Variants in CAMK1D observed in about 807,000 individuals in gnomAD.
CAMK1D encodes calcium/calmodulin dependent protein kinase ID, also known as calcium/calmodulin-dependent protein kinase type 1D.
A neutral mutation model predicts 47.7 loss-of-function variants in CAMK1D; 9 were observed. The observed-to-expected ratio is 0.19, with a 90% confidence interval of 0.11 to 0.33. The LOEUF is 0.33. Ranked by LOEUF, CAMK1D falls within the 10% of genes least tolerant of loss-of-function variation. CAMK1D has a pLI of 1.00. For missense variants in CAMK1D, 291 were observed against 488.7 expected (o/e 0.60, Z 3.81); for synonymous variants, 184 against 184.9 (o/e 0.99, Z 0.04).
intron 5 of CAMK1D, among the ~76,000 whole-genome samples, chr10:12,784,853 T>C (rs575527045): frequency 6.6e-6 from 1 of 152,304 alleles, no homozygotes; most frequent in South Asian, 2.1e-4. Flanking sequence ...TTGGGTTCAG[T>C]TGAATCACCA....
intron 1 of CAMK1D, among the ~76,000 whole-genome samples, chr10:12,547,648 C>CCCAACCCTG (rs1554786322): frequency 9.9e-6 from 1 of 101,022 alleles, no homozygotes; most frequent in African/African-American, 4.7e-5. Context: ...CACCCCCCCC[C>CCCAACCCTG]CAACCCTGCA....
intron 1 of CAMK1D, among the ~76,000 whole-genome samples, chr10:12,450,575 A>T (rs1833054545): frequency 6.6e-6 from 1 of 152,184 alleles, no homozygotes; most frequent in African/African-American, 2.4e-5. Flanking sequence ...TGGCTTGTAG[A>T]TTGGGCAGCT....
intron 2 of CAMK1D, among the ~76,000 whole-genome samples, chr10:12,635,695 A>G (rs1441177272): frequency 6.6e-6 from 1 of 152,206 alleles, no homozygotes; most frequent in Non-Finnish European, 1.5e-5. Flanking sequence ...TTATTTCTGA[A>G]TGTTAACCAA....
chr10:12,486,409 C>T (rs1056633127), intron 1 of CAMK1D, among the ~76,000 whole-genome samples: 10 of 152,134 alleles, frequency 6.6e-5, no homozygotes, highest in African/African-American at 2.2e-4. Flanking sequence ...CTGCCTGCCT[C>T]GGTCTCCCAA....
rs143605664 is a variant in CAMK1D at position 12,781,460 on chromosome 10, GCTTCTA to G, written c.566-9695_566-9690del. 3.5e-4 allele frequency among the ~76,000 whole-genome samples: 53 copies of G among 152,242 alleles called. No homozygotes were observed. The East Asian group carries it at 0.01, about 29-fold the overall frequency. On this transcript the variant is annotated intron_variant, in intron 5 of 10. Coordinates refer to ENST00000619168, the MANE Select transcript of CAMK1D (RefSeq NM_153498.4). ...ACATTTCAAAAGCCCAGTGGCCCCA[GCTTCTA>G]CTCCCTCCCCGTTCCTTAGCCTCAC...
At chr10:12,649,545 A>G (rs1839903036) in intron 2 of CAMK1D, among the ~76,000 whole-genome samples, 1 of 152,228 alleles carries the variant, frequency 6.6e-6, no homozygotes, top group African/African-American at 2.4e-5. Context: ...AGACACAGGT[A>G]TTCAGTCAAT....
At position 12,603,684 on chromosome 10, in the gene CAMK1D, G is replaced by A. The variant is rs1034909453; in HGVS notation, c.224+50328G>A. Among the ~76,000 whole-genome samples, 138 of 152,020 alleles carry A rather than the reference G, an allele frequency of 9.1e-4. 1 individual carries two copies. The highest frequency in any genetic ancestry group is 5.9e-4 in the Non-Finnish European group (40 of 67,998). On this transcript the variant is annotated intron_variant, in intron 2 of 10. Coordinates refer to ENST00000619168, the MANE Select transcript of CAMK1D (RefSeq NM_153498.4). Reference sequence around the variant, plus strand: ...TGGGGATCATTCTCCCCTCTTTCCCGCTTGACCCATTCCCCCAGTCACACA... The same window carrying A: ...TGGGGATCATTCTCCCCTCTTTCCCACTTGACCCATTCCCCCAGTCACACA...
chr10:12,664,539 C>A (rs1197238892), intron 2 of CAMK1D, among the ~76,000 whole-genome samples: 2 of 152,210 alleles, frequency 1.3e-5, no homozygotes, highest in Non-Finnish European at 2.9e-5. Flanking sequence ...ATTGTTGAAT[C>A]TGAATGAATG....
chr10:12,657,878 C>T (rs1401789217), intron 2 of CAMK1D, among the ~76,000 whole-genome samples: 2 of 151,842 alleles, frequency 1.3e-5, no homozygotes, highest in Non-Finnish European at 2.9e-5. Context: ...GGGCCAGGTG[C>T]GGTGGCTCAC....
intron 1 of CAMK1D, among the ~76,000 whole-genome samples, chr10:12,412,771 G>A (rs1839708933): frequency 6.6e-6 from 1 of 151,882 alleles, no homozygotes; most frequent in South Asian, 2.1e-4. Flanking sequence ...CAGATGCCTG[G>A]GGGGAGGCCG....
chr10:12,718,472 G>A (rs190884752), intron 3 of CAMK1D, among the ~76,000 whole-genome samples: 58 of 152,296 alleles, frequency 3.8e-4, no homozygotes, highest in African/African-American at 1.4e-3. Context: ...TGGCTAAAAG[G>A]ATTTTAATTA....
chr10:12,672,896 CTTTTT>C, intron 3 of CAMK1D, among the ~76,000 whole-genome samples: 1 of 76,500 alleles, frequency 1.3e-5, no homozygotes, highest in South Asian at 4.7e-4. Context: ...ATAGGCTTGC[CTTTTT>C]TTTTTTTTTT....
intron 3 of CAMK1D, among the ~76,000 whole-genome samples, chr10:12,739,070 C>T (rs1018946034): frequency 6.6e-6 from 1 of 151,536 alleles, no homozygotes; most frequent in Non-Finnish European, 1.5e-5. Context: ...AACCTCGTTT[C>T]TGCAAAAAAT....
At chr10:12,705,267 C>G (rs1833686958) in intron 3 of CAMK1D, among the ~76,000 whole-genome samples, 1 of 152,094 alleles carries the variant, frequency 6.6e-6, no homozygotes, top group South Asian at 2.1e-4. Flanking sequence ...TTGAGACCAT[C>G]CTGGCCAACA....
At chr10:12,364,202 A>AAAT (rs924697618) in intron 1 of CAMK1D, among the ~76,000 whole-genome samples, 1 of 150,892 alleles carries the variant, frequency 6.6e-6, no homozygotes, top group Non-Finnish European at 1.5e-5. Context: ...AGGCATGTAG[A>AAAT]AAGTTAGGAG....
intron 2 of CAMK1D, among the ~76,000 whole-genome samples, chr10:12,612,712 T>C (rs1253467854): frequency 6.6e-6 from 1 of 152,152 alleles, no homozygotes; most frequent in African/African-American, 2.4e-5. Context: ...TCAGTCTTCT[T>C]CTTTGAGCAG....
chr10:12,630,664 C>T (rs1839354556), intron 2 of CAMK1D, among the ~76,000 whole-genome samples: 1 of 151,984 alleles, frequency 6.6e-6, no homozygotes, highest in Non-Finnish European at 1.5e-5. Context: ...AGTGATCCTC[C>T]CACCTTGGCC....
chr10:12,612,572 T>A (rs552492790), intron 2 of CAMK1D, among the ~76,000 whole-genome samples: 197 of 152,164 alleles, frequency 1.3e-3, no homozygotes, highest in Middle Eastern at 3.4e-3. Flanking sequence ...GTTGACAGGA[T>A]CAGAGCAAGA....
intron 1 of CAMK1D, among the ~76,000 whole-genome samples, chr10:12,408,834 T>A (rs1008432112): frequency 3.4e-5 from 4 of 117,496 alleles, no homozygotes; most frequent in Admixed American, 1.0e-4. Flanking sequence ...TTTCGTTCAT[T>A]TCTTTCTTTC....
Sources: allele counts gnomAD v4.1 joint callset (sites outside exome capture counted in the v4.1 genomes callset), GRCh38; gene constraint gnomAD v4.1.1; transcripts MANE v1.5; gene names NCBI Gene and HGNC (gene_info 2026-07-23, HGNC 2026-07-21).